The following GAS2 variants were observed in gnomAD, a reference collection of about 807,000 sequenced individuals.
GAS2 encodes growth arrest specific 2.
A neutral mutation model predicts 37.5 loss-of-function variants in GAS2; 20 were observed. The observed-to-expected ratio is 0.53, with a 90% confidence interval of 0.37 to 0.77. The LOEUF is 0.77. Ranked by LOEUF, GAS2 falls within the 30% of genes least tolerant of loss-of-function variation. The pLI is 0.00. For synonymous variants in GAS2, 144 were observed against 132.2 expected (o/e 1.09, Z -0.61); for missense variants, 336 against 373.4 (o/e 0.90, Z 0.82).
At chr11:22,713,290 AC>A (rs1851502569) in intron 3 of GAS2, among the ~76,000 whole-genome samples, 1 of 151,788 alleles carries the variant, frequency 6.6e-6, no homozygotes, top group South Asian at 2.1e-4. Context: ...TTCTGAATTA[AC>A]CCTATATAAT....
At chr11:22,679,830 A>G (rs1452279644) in intron 2 of GAS2, among the ~76,000 whole-genome samples, 2 of 94,930 alleles carry the variant, frequency 2.1e-5, no homozygotes, top group East Asian at 9.8e-4. Context: ...TGAATAAATC[A>G]TCAGATATAT....
intron 5 of GAS2, among the ~76,000 whole-genome samples, chr11:22,739,071 A>G (rs1852909170): frequency 6.6e-6 from 1 of 152,182 alleles, no homozygotes. Flanking sequence ...GGCATAGTTC[A>G]AACTTGTGGC....
At chr11:22,709,477 C>T (rs1851290845) in intron 3 of GAS2, among the ~76,000 whole-genome samples, 1 of 152,066 alleles carries the variant, frequency 6.6e-6, no homozygotes, top group Admixed American at 6.6e-5. Flanking sequence ...TTATTTAATT[C>T]TCAAAACATG....
chr11:22,745,932 G>A (rs1853370888), intron 5 of GAS2, among the ~76,000 whole-genome samples: 1 of 152,116 alleles, frequency 6.6e-6, no homozygotes, highest in African/African-American at 2.4e-5. Context: ...CACTTTGGGA[G>A]GCCAAGGCAG....
At chr11:22,760,461 T>C (rs926305219) in intron 7 of GAS2, among the ~76,000 whole-genome samples, 2 of 152,126 alleles carry the variant, frequency 1.3e-5, no homozygotes, top group Admixed American at 6.5e-5. Context: ...TGTCCTGAAG[T>C]TTGAAAATCA....
intron 4 of GAS2, among the ~76,000 whole-genome samples, chr11:22,734,574 G>A (rs1852650847): frequency 6.6e-6 from 1 of 151,364 alleles, no homozygotes; most frequent in Non-Finnish European, 1.5e-5. Context: ...AATATTAATC[G>A]ACTAAACCAA....
At chr11:22,801,808 C>T (rs959085874) in intron 7 of GAS2, among the ~76,000 whole-genome samples, 16 of 152,008 alleles carry the variant, frequency 1.1e-4, no homozygotes, top group Admixed American at 2.0e-4. Flanking sequence ...AGGGCATATT[C>T]GTAGATTACT....
chr11:22,777,280 A>G (rs1024461469), intron 7 of GAS2, among the ~76,000 whole-genome samples: 5 of 152,188 alleles, frequency 3.3e-5, no homozygotes, highest in Non-Finnish European at 7.4e-5. Flanking sequence ...CTGTCAGACA[A>G]TAGGCATTAC....
intron 7 of GAS2, among the ~76,000 whole-genome samples, chr11:22,801,381 T>G (rs1177103666): frequency 6.6e-6 from 1 of 152,004 alleles, no homozygotes; most frequent in Non-Finnish European, 1.5e-5. Flanking sequence ...TCATTTCAAC[T>G]TATTTTTCCC....
intron 3 of GAS2, among the ~76,000 whole-genome samples, chr11:22,699,718 T>C (rs888728915): frequency 4.6e-5 from 7 of 152,182 alleles, no homozygotes; most frequent in Admixed American, 3.9e-4. Flanking sequence ...GTAATAATTG[T>C]AGCTACCTCA....
At chr11:22,708,525 A>G (rs1851238261) in intron 3 of GAS2, among the ~76,000 whole-genome samples, 1 of 152,132 alleles carries the variant, frequency 6.6e-6, no homozygotes. Context: ...GCCTCATGTC[A>G]ACACAACTAG....
chr11:22,680,741 T>G (rs1849642968), intron 2 of GAS2, among the ~76,000 whole-genome samples: 1 of 152,132 alleles, frequency 6.6e-6, no homozygotes, highest in Non-Finnish European at 1.5e-5. Context: ...TCTGTAGTGT[T>G]TCTACATAGA....
chr11:22,750,543 T>C (rs1317225497), intron 6 of GAS2, among the ~76,000 whole-genome samples: 1 of 152,082 alleles, frequency 6.6e-6, no homozygotes, highest in Non-Finnish European at 1.5e-5. Flanking sequence ...GAAAGACATT[T>C]TGATTTAAAG....
intron 7 of GAS2, among the ~76,000 whole-genome samples, chr11:22,783,247 GA>G (rs1454296464): frequency 6.6e-6 from 1 of 152,060 alleles, no homozygotes; most frequent in African/African-American, 2.4e-5. Context: ...CTTCTTTTGA[GA>G]GGTGTCTATT....
intron 6 of GAS2, among the ~76,000 whole-genome samples, chr11:22,750,789 A>G (rs953647843): frequency 6.6e-6 from 1 of 151,930 alleles, no homozygotes; most frequent in Admixed American, 6.6e-5. Context: ...TGTTATAAAT[A>G]TATTTCCCTG....
chr11:22,638,465 C>A (rs183031817), intron 1 of GAS2, among the ~76,000 whole-genome samples: 1 of 151,928 alleles, frequency 6.6e-6, no homozygotes, highest in East Asian at 1.9e-4. Context: ...CCTGCCTCAG[C>A]CTCCGAAGTA....
intron 3 of GAS2, among the ~76,000 whole-genome samples, chr11:22,721,105 C>T (rs1851926010): frequency 6.6e-6 from 1 of 151,970 alleles, no homozygotes; most frequent in Non-Finnish European, 1.5e-5. Flanking sequence ...CTACCCAATT[C>T]ATTTGGTGCT....
intron 3 of GAS2, among the ~76,000 whole-genome samples, chr11:22,720,695 C>G (rs1851906564): frequency 6.6e-6 from 1 of 151,950 alleles, no homozygotes; most frequent in Admixed American, 6.6e-5. Context: ...CTTGGCAAGC[C>G]TCATGTCTTC....
chr11:22,808,869 A>C lies in GAS2; in HGVS notation c.724-2929A>C, dbSNP rs911710802. 3.9e-5 allele frequency among the ~76,000 whole-genome samples: 6 copies of C among 152,246 alleles called. No homozygotes were observed. The South Asian group carries it at 1.2e-3, about 32-fold the overall frequency. ...AAATTTTGGAAGCTGGCAGTAAGAC[A>C]CATGCAGAAACTTGTGGGAATATGA... On this transcript the variant is annotated intron_variant, in intron 7 of 7. Transcript: ENST00000454584.
Sources: allele counts gnomAD v4.1 joint callset (sites outside exome capture counted in the v4.1 genomes callset), GRCh38; gene constraint gnomAD v4.1.1; transcripts MANE v1.5; gene names NCBI Gene and HGNC (gene_info 2026-07-23, HGNC 2026-07-21).